The following SENP5 variants were observed in gnomAD, a reference collection of about 807,000 sequenced individuals.
The protein encoded by SENP5 is sentrin-specific protease 5.
SENP5 carries 21 observed loss-of-function variants against 74.2 expected under a neutral mutation model. That is an observed-to-expected ratio of 0.28 (90% CI 0.20 to 0.41). SENP5 has a LOEUF of 0.41. Ranked by LOEUF, SENP5 falls within the 10% of genes least tolerant of loss-of-function variation. SENP5 has a pLI of 1.00. For synonymous variants in SENP5, 311 were observed against 312.7 expected (o/e 0.99, Z 0.06); for missense variants, 717 against 889.1 (o/e 0.81, Z 2.46).
intron 2 of SENP5, among the ~76,000 whole-genome samples, chr3:196,895,307 T>C (rs936701289): frequency 6.7e-6 from 1 of 149,830 alleles, no homozygotes; most frequent in Admixed American, 6.7e-5. Flanking sequence ...TTCTCCTGCC[T>C]CCCGAGTAGC....
Position 196,931,646 on chromosome 3 carries a change from G to GCATA in SENP5, c.*727_*730dup. ...GTGGTTTTAGGAATTATAATACGTGGCATACATCTCATAAAGGCTTTTGCT... is the reference window on the plus strand; with the variant it reads ...GTGGTTTTAGGAATTATAATACGTGGCATACATACATCTCATAAAGGCTTTTGCT... On this transcript the variant is annotated 3_prime_UTR_variant, in exon 10 of 10. Coordinates refer to ENST00000323460, the MANE Select transcript of SENP5 (RefSeq NM_152699.5). The GCATA allele has an allele frequency of 3.7e-6, 1 of 268,886 alleles. No homozygotes were observed. The highest frequency in any genetic ancestry group is 3.3e-5 in the South Asian group (1 of 30,498). The allele number at this position is 268,886 out of a possible 1,614,324, so 16.7% of individuals were successfully genotyped here. A position where few individuals can be genotyped will look rare whatever the true frequency, so the allele number is the denominator to read the frequency against.
At chr3:196,912,290 A>G (rs1715165541) in intron 6 of SENP5, among the ~76,000 whole-genome samples, 1 of 152,208 alleles carries the variant, frequency 6.6e-6, no homozygotes, top group African/African-American at 2.4e-5. Flanking sequence ...ATGAAGCTGG[A>G]AGCCATCATC....
At chr3:196,914,870 T>A (rs1384034156) in intron 6 of SENP5, among the ~76,000 whole-genome samples, 1 of 151,980 alleles carries the variant, frequency 6.6e-6, no homozygotes, top group Non-Finnish European at 1.5e-5. Context: ...TTGCATTGCC[T>A]ACACCACCCC....
intron 8 of SENP5, 80 bp downstream of exon 8, chr3:196,927,959 G>C: frequency 1.2e-6 from 1 of 832,758 alleles, no homozygotes; most frequent in Middle Eastern, 2.3e-4. Context: ...AAGAGCATTT[G>C]AAGACTAGTG....
At chr3:196,886,751 A>G (rs977315800) in intron 2 of SENP5, 57 bp downstream of exon 2, 5 of 1,380,780 alleles carry the variant, frequency 3.6e-6, no homozygotes, top group Non-Finnish European at 4.9e-6. Flanking sequence ...GCTGTGCATT[A>G]TCCTTGCTAA....
Position 196,885,784 on chromosome 3 carries a change from A to T in SENP5, c.603A>T (p.Gln201His). Residue 201 changes from glutamine to histidine, a missense_variant, in exon 2 of 10, where the codon CAA (glutamine) becomes CAT (histidine). Physicochemically the swap from Gln to His is conservative, Grantham distance 24. This residue lies in a region of SENP5 where 567 missense variants were observed against 577.4 expected (regional missense o/e 0.98). Coordinates refer to ENST00000323460, the MANE Select transcript of SENP5 (RefSeq NM_152699.5). Reference protein sequence around the residue: ...KRKGFCYGCCQGPEHHRNGGP... With the variant: ...KRKGFCYGCCHGPEHHRNGGP... ...AGGGCTTTTGTTACGGCTGCTGCCA[A>T]GGGCCGGAGCACCACAGGAATGGGG... 1 of 1,614,270 alleles carries T rather than the reference A, an allele frequency of 6.2e-7. No homozygotes were observed. Among genetic ancestry groups the T allele is most frequent in the South Asian group, 1.1e-5 (1 of 91,086 alleles).
chr3:196,884,308 T>C (rs1482210461), intron 1 of SENP5, among the ~76,000 whole-genome samples: 1 of 152,074 alleles, frequency 6.6e-6, no homozygotes, highest in Non-Finnish European at 1.5e-5. Context: ...CTCAAGTGAA[T>C]ATAAGAAAAA....
chr3:196,923,463 T>C lies in SENP5; in HGVS notation c.1934T>C (p.Val645Ala). The C allele has an allele frequency of 6.2e-7, 1 of 1,612,158 alleles. No individual in the cohort carries two copies. Among genetic ancestry groups the C allele is most frequent in the East Asian group, 2.2e-5 (1 of 44,814 alleles). Residue 645 changes from valine (V) to alanine (A), a missense_variant, in exon 7 of 10, where the codon GTC (valine) becomes GCC (alanine). Coordinates refer to ENST00000323460, the MANE Select transcript of SENP5 (RefSeq NM_152699.5). ...SLLLIPIHLEVHWSLITVTLS... is the reference protein window; with the variant it reads ...SLLLIPIHLEAHWSLITVTLS... ...CTGTTGATTCCTATTCACCTGGAAG[T>C]CCACTGGTCTCTCATTACTGTGACA... is the stretch of plus-strand genomic sequence containing the variant.
intron 2 of SENP5, among the ~76,000 whole-genome samples, chr3:196,894,547 T>TA (rs1167578549): frequency 2.0e-5 from 3 of 151,612 alleles, no homozygotes; most frequent in East Asian, 1.9e-4. Context: ...TTTTTTTTTT[T>TA]AAATTTATTC....
In SENP5 at chr3:196,869,846, T is replaced by C. The variant is rs1226157968; in HGVS notation, c.-32+1773T>C. Among the ~76,000 whole-genome samples the C allele has an allele frequency of 6.7e-4, 5 of 7,436 alleles. No individual in the cohort carries two copies. The African/African-American group carries it at 0.027, about 40-fold the overall frequency. The allele number at this position is 7,436 out of a possible 152,430, so 4.9% of individuals were successfully genotyped here. Reference sequence around the variant, plus strand: ...GCTATATTACTTTCTAAATCAGCCTTTTTTTTTTTTTTTGGTAGGCCATTA... The same window carrying C: ...GCTATATTACTTTCTAAATCAGCCTCTTTTTTTTTTTTTGGTAGGCCATTA... On this transcript the variant is annotated intron_variant, in intron 1 of 9. Coordinates refer to ENST00000323460, the MANE Select transcript of SENP5 (RefSeq NM_152699.5).
intron 6 of SENP5, chr3:196,904,837 G>A (rs1415513629): frequency 6.6e-6 from 1 of 152,166 alleles, no homozygotes; most frequent in Non-Finnish European, 1.5e-5. Context: ...GAGGGTTTAA[G>A]CAGCAGGCAA....
intron 9 of SENP5, 97 bp from the exon 10 acceptor site, chr3:196,930,716 C>T: frequency 1.2e-6 from 1 of 813,384 alleles, no homozygotes. Flanking sequence ...GGGTCTTCTG[C>T]CTTAGACACT....
intron 2 of SENP5, among the ~76,000 whole-genome samples, chr3:196,893,588 T>C (rs1306798299): frequency 4.6e-5 from 7 of 152,048 alleles, no homozygotes; most frequent in East Asian, 3.9e-4. Context: ...GTCCATGATA[T>C]AGTGAATGGA....
chr3:196,893,916 A>G (rs1560147468), intron 2 of SENP5, among the ~76,000 whole-genome samples: 1 of 151,524 alleles, frequency 6.6e-6, no homozygotes, highest in Non-Finnish European at 1.5e-5. Flanking sequence ...TCTCAAAAAA[A>G]AAAAAAAAAA....
At chr3:196,929,612 C>G in intron 8 of SENP5, 21 bp from the exon 9 acceptor site, 1 of 1,467,804 alleles carries the variant, frequency 6.8e-7, no homozygotes, top group Non-Finnish European at 9.4e-7. Context: ...GTTTTAATGA[C>G]TATTTTGTTT....
intron 5 of SENP5, among the ~76,000 whole-genome samples, chr3:196,902,176 G>A (rs990702079): frequency 1.3e-5 from 2 of 152,188 alleles, no homozygotes; most frequent in African/African-American, 4.8e-5. Flanking sequence ...GAATGCAGTG[G>A]CACAGTCATA....
chr3:196,897,981 G>A (rs893111695), intron 2 of SENP5, among the ~76,000 whole-genome samples: 35 of 151,566 alleles, frequency 2.3e-4, no homozygotes, highest in Admixed American at 5.9e-4. Flanking sequence ...AGACCAGCCT[G>A]GCCAACATGG....
intron 6 of SENP5, 100 bp from the exon 7 acceptor site, chr3:196,923,313 GC>G (rs2089799514): frequency 7.8e-7 from 1 of 1,279,592 alleles, no homozygotes; most frequent in Non-Finnish European, 1.1e-6. Context: ...CTACTTTTTT[GC>G]CCTTGTGCAG....
intron 6 of SENP5, among the ~76,000 whole-genome samples, chr3:196,910,737 T>C (rs1281074330): frequency 6.6e-6 from 1 of 152,042 alleles, no homozygotes; most frequent in Non-Finnish European, 1.5e-5. Context: ...AAAATTCATA[T>C]GGAAACAAAA....
Sources: allele counts gnomAD v4.1 joint callset (sites outside exome capture counted in the v4.1 genomes callset), GRCh38; gene constraint gnomAD v4.1.1; regional missense constraint gnomAD v4.1.1; transcripts MANE v1.5; gene names NCBI Gene and HGNC (gene_info 2026-07-23, HGNC 2026-07-21).